The following TOPAZ1 variants were observed in gnomAD, a reference collection of about 807,000 sequenced individuals.
TOPAZ1 encodes the protein testis and ovary specific TOPAZ 1, also known as protein TOPAZ1.
A neutral mutation model predicts 172.2 loss-of-function variants in TOPAZ1; 66 were observed. The ratio of observed to expected loss-of-function variants is 0.38; its 90% CI spans 0.31 to 0.47. The LOEUF (loss-of-function observed/expected upper bound fraction) is 0.47. Among genes scored for constraint, TOPAZ1 ranks in the 20% least tolerant of loss-of-function variants. TOPAZ1 has a pLI of 0.99. For synonymous variants in TOPAZ1, 681 were observed against 683.9 expected, an observed-to-expected ratio of 1.00 and a Z score of 0.07; for missense variants, 1,822 against 1,972.4, an observed-to-expected ratio of 0.92 and a Z score of 1.44.
chr3:44,264,910 A>G (rs570755999), intron 5 of TOPAZ1, among the ~76,000 whole-genome samples: 280 of 152,284 alleles, frequency 1.8e-3, no homozygotes, highest in African/African-American at 6.4e-3. Flanking sequence ...TTCAGTTACA[A>G]CTTTAGGCTC....
chr3:44,321,879 C>A (rs1209725666), intron 17 of TOPAZ1, among the ~76,000 whole-genome samples: 1 of 152,092 alleles, frequency 6.6e-6, no homozygotes. Context: ...TATTCCTGGC[C>A]CAATGGCTGC....
intron 15 of TOPAZ1, among the ~76,000 whole-genome samples, chr3:44,308,490 G>A (rs1231430630): frequency 2.0e-5 from 3 of 152,052 alleles, no homozygotes; most frequent in Non-Finnish European, 4.4e-5. Context: ...GTATTCCATG[G>A]TGTATATGTG....
intron 8 of TOPAZ1, among the ~76,000 whole-genome samples, chr3:44,271,325 C>T (rs1289221092): frequency 6.6e-6 from 1 of 152,108 alleles, no homozygotes; most frequent in Non-Finnish European, 1.5e-5. Context: ...ATATTATTAG[C>T]CTTTTGCATA....
chr3:44,320,999 A>G, intron 16 of TOPAZ1, 28 bp from the exon 17 acceptor site: 1 of 1,451,252 alleles, frequency 6.9e-7, no homozygotes, highest in Non-Finnish European at 9.4e-7. Context: ...CATGGTATAA[A>G]CTATTCATAT....
intron 12 of TOPAZ1, among the ~76,000 whole-genome samples, chr3:44,298,726 T>G (rs1033939391): frequency 1.3e-5 from 2 of 149,356 alleles, no homozygotes; most frequent in Admixed American, 6.7e-5. Context: ...AAACAAAAAC[T>G]TTGACCCAAA....
Position 44,302,180 on chromosome 3 carries a change from G to T in TOPAZ1, c.3798-1835G>T, listed in dbSNP as rs906775953. Among the ~76,000 whole-genome samples, 4 of 152,156 alleles carry T rather than the reference G, an allele frequency of 2.6e-5. 1 individual carries two copies. The highest frequency in any genetic ancestry group is 4.1e-4 in the South Asian group (2 of 4,828). On this transcript the variant is annotated intron_variant, in intron 12 of 19. Coordinates refer to ENST00000309765, the MANE Select transcript of TOPAZ1 (RefSeq NM_001145030.2). ...AATCCCAGCACTTTGGGAGGCCGAG[G>T]TGGGCAGATCACGAGGTCAGGAGAT...
chr3:44,291,504 G>A (rs533379537), intron 12 of TOPAZ1, among the ~76,000 whole-genome samples: 73 of 151,994 alleles, frequency 4.8e-4, no homozygotes, highest in Admixed American at 1.2e-3. Context: ...AGGAGACTGA[G>A]GCAGGAGAAT....
intron 12 of TOPAZ1, among the ~76,000 whole-genome samples, chr3:44,301,140 A>T (rs889857585): frequency 6.6e-6 from 1 of 152,184 alleles, no homozygotes; most frequent in East Asian, 1.9e-4. Context: ...TGGAGAGGGG[A>T]TGAGTATAAA....
At chr3:44,260,062 C>A (rs1455248278) in intron 4 of TOPAZ1, among the ~76,000 whole-genome samples, 1 of 152,124 alleles carries the variant, frequency 6.6e-6, no homozygotes. Context: ...TTGGTAGTTC[C>A]TCCTGCATTC....
At chr3:44,261,305 A>C (rs1699773175) in intron 4 of TOPAZ1, among the ~76,000 whole-genome samples, 1 of 152,106 alleles carries the variant, frequency 6.6e-6, no homozygotes, top group Admixed American at 6.6e-5. Context: ...TTTTACATTT[A>C]AGTTTTTAAC....
chr3:44,259,062 C>G (rs1391139577), intron 4 of TOPAZ1, among the ~76,000 whole-genome samples: 1 of 152,142 alleles, frequency 6.6e-6, no homozygotes, highest in East Asian at 1.9e-4. Flanking sequence ...TAGGCTTTCT[C>G]CCATATTCCT....
intron 4 of TOPAZ1, among the ~76,000 whole-genome samples, chr3:44,258,219 A>G (rs565529407): frequency 6.6e-6 from 1 of 152,218 alleles, no homozygotes; most frequent in Non-Finnish European, 1.5e-5. Flanking sequence ...TTTCAGCAGC[A>G]TCCCACTTTT....
At chr3:44,309,276 A>G (rs1252955903) in intron 15 of TOPAZ1, among the ~76,000 whole-genome samples, 1 of 152,110 alleles carries the variant, frequency 6.6e-6, no homozygotes, top group African/African-American at 2.4e-5. Flanking sequence ...TTTCACTATC[A>G]TTCTTTGTCT....
At position 44,245,193 on chromosome 3, in the gene TOPAZ1, A is replaced by G. The variant is rs543901042; in HGVS notation, c.2687A>G (p.Asn896Ser). The G allele has an allele frequency of 5.0e-5, 78 of 1,551,802 alleles. No individual in the cohort carries two copies. In the African/African-American group the frequency reaches 8.1e-4, roughly 16 times the overall value. Residue 896 changes from asparagine (N) to serine (S), a missense_variant, in exon 2 of 20, where the codon AAT (asparagine) becomes AGT (serine). This residue lies in a region of TOPAZ1 where 1,489 missense variants were observed against 1,490.8 expected (regional missense o/e 1.00). Transcript: ENST00000309765. ...GTCCCAAAGATAAGCCAGGAGCCCA[A>G]TGTTGCTGGAGAGCACCAATCAACA... Reference protein sequence around the residue: ...SEVPKISQEPNVAGEHQSTDS... With the variant: ...SEVPKISQEPSVAGEHQSTDS...
intron 12 of TOPAZ1, among the ~76,000 whole-genome samples, chr3:44,294,950 C>T (rs910530419): frequency 1.3e-5 from 2 of 152,170 alleles, no homozygotes; most frequent in African/African-American, 4.8e-5. Context: ...AATTTCTTAA[C>T]ATTCAGTGAT....
chr3:44,268,380 T>C (rs971707588), intron 6 of TOPAZ1, among the ~76,000 whole-genome samples: 23 of 146,382 alleles, frequency 1.6e-4, no homozygotes, highest in African/African-American at 5.8e-4. Flanking sequence ...TTTTTTTTTT[T>C]TTTTTTTTTT....
intron 8 of TOPAZ1, among the ~76,000 whole-genome samples, chr3:44,281,548 T>C (rs1180539202): frequency 6.6e-6 from 1 of 152,224 alleles, no homozygotes; most frequent in African/African-American, 2.4e-5. Context: ...CTAGAATTGA[T>C]TTTTGTTTAT....
At chr3:44,324,703 G>T (rs529483093) in intron 18 of TOPAZ1, among the ~76,000 whole-genome samples, 45 of 152,154 alleles carry the variant, frequency 3.0e-4, no homozygotes, top group Non-Finnish European at 4.7e-4. Context: ...AAGTATACAA[G>T]TCAGTGGTTT....
At chr3:44,309,142 C>A (rs919394794) in intron 15 of TOPAZ1, among the ~76,000 whole-genome samples, 12 of 152,322 alleles carry the variant, frequency 7.9e-5, no homozygotes, top group Middle Eastern at 3.4e-3. Flanking sequence ...CTTGCTGGCT[C>A]ATGGTATAAA....
Sources: gnomAD v4.1 joint callset for allele counts (sites outside exome capture counted in the v4.1 genomes callset) on GRCh38, gnomAD v4.1.1 for gene constraint, gnomAD v4.1.1 regional missense constraint, MANE v1.5 for transcripts, NCBI Gene and HGNC (gene_info 2026-07-23, HGNC 2026-07-21) for gene names.